The following FRMPD1 variants were observed in gnomAD, a reference collection of about 807,000 sequenced individuals.
The protein encoded by FRMPD1 is FERM and PDZ domain-containing protein 1.
In FRMPD1, 76 loss-of-function variants were observed where a neutral mutation model predicts 117.8. That is an observed-to-expected ratio of 0.65 (90% CI 0.54 to 0.78). The LOEUF (loss-of-function observed/expected upper bound fraction) is 0.78. FRMPD1 is among the 30% of genes least tolerant of loss of function. FRMPD1 has a pLI of 0.00. For synonymous variants in FRMPD1, 783 were observed against 770.4 expected, an observed-to-expected ratio of 1.02 and a Z score of -0.27; for missense variants, 1,786 against 1,964.5, an observed-to-expected ratio of 0.91 and a Z score of 1.72.
the FRMPD1 span, among the ~76,000 whole-genome samples, chr9:37,612,991 A>C: frequency 6.6e-6 from 1 of 152,204 alleles, no homozygotes; most frequent in African/African-American, 2.4e-5. Context: ...GAAGAACTTT[A>C]ATGGCTAGAG....
chr9:37,733,670 T>C (rs1823993582), intron 11 of FRMPD1, 60 bp from the exon 12 acceptor site: 1 of 1,597,286 alleles, frequency 6.3e-7, no homozygotes, highest in Admixed American at 1.7e-5. Flanking sequence ...TTTTCAACAC[T>C]GCCTGGATTT....
intron 9 of FRMPD1, 82 bp from the exon 10 acceptor site, chr9:37,732,222 C>T: frequency 1.4e-6 from 2 of 1,460,528 alleles, no homozygotes; most frequent in Non-Finnish European, 1.9e-6. Context: ...AGCTCCTGGT[C>T]CTGCTGCCTT....
chr9:37,740,581 T>G lies in FRMPD1; in HGVS notation c.2053T>G (p.Trp685Gly). The stretch of plus-strand genomic sequence containing the variant: ...GAGTGCTGCTTTGGAGACATTTGGC[T>G]GGGCACCAGAACTGAGCACAGTCAG... ...SESAALETFG[W>G]APELSTVRLD... The change falls in exon 15 of 16, where the codon TGG becomes GGG. Residue 685 changes from tryptophan to glycine, a missense_variant. Trp to Gly is a radical substitution (Grantham distance 184). Transcript: ENST00000377765. The surrounding 1 kb of genome is among the most constrained non-coding windows in gnomAD (Gnocchi z 4.2). The G allele has an allele frequency of 6.2e-7, 1 of 1,614,196 alleles. No homozygotes were observed.
chr9:37,698,373 T>C (rs1458020678), intron 2 of FRMPD1, among the ~76,000 whole-genome samples: 1 of 152,094 alleles, frequency 6.6e-6, no homozygotes, highest in Non-Finnish European at 1.5e-5. Context: ...GATCTTTGCC[T>C]TCTTGATTCA....
chr9:37,717,805 C>G (rs1823216459), intron 5 of FRMPD1, among the ~76,000 whole-genome samples: 1 of 152,244 alleles, frequency 6.6e-6, no homozygotes, highest in South Asian at 2.1e-4. Flanking sequence ...ATTCTCTGTT[C>G]CGTGGATGAT....
chr9:37,720,507 T>C (rs1478374355), intron 6 of FRMPD1, among the ~76,000 whole-genome samples: 2 of 151,804 alleles, frequency 1.3e-5, no homozygotes, highest in African/African-American at 2.4e-5. Context: ...TATTAAAAAA[T>C]ACAAAAAATT....
chr9:37,622,134 A>T, the FRMPD1 span, among the ~76,000 whole-genome samples: 2 of 152,216 alleles, frequency 1.3e-5, no homozygotes, highest in Non-Finnish European at 2.9e-5. Context: ...GGCAAATGCC[A>T]TGGGAGATTT....
At chr9:37,680,911 TGAAAA>T (rs1291772038) in intron 1 of FRMPD1, among the ~76,000 whole-genome samples, 10 of 151,390 alleles carry the variant, frequency 6.6e-5, no homozygotes, top group Non-Finnish European at 1.5e-4. Context: ...AAATAAGAAA[TGAAAA>T]GAAACAATTT....
intron 7 of FRMPD1, among the ~76,000 whole-genome samples, chr9:37,725,715 T>A (rs72724139): frequency 0.14 from 20,970 of 152,176 alleles, 1,576 homozygotes; most frequent in Middle Eastern, 0.19. Context: ...GTATACGATC[T>A]CATTTAATGC....
the FRMPD1 span, among the ~76,000 whole-genome samples, chr9:37,615,107 T>G: frequency 6.6e-6 from 1 of 152,118 alleles, no homozygotes; most frequent in Non-Finnish European, 1.5e-5. Context: ...AGTCTTTTCT[T>G]TCTTTCTTTT....
chr9:37,675,172 C>T (rs1386612031), intron 1 of FRMPD1, among the ~76,000 whole-genome samples: 1 of 152,134 alleles, frequency 6.6e-6, no homozygotes, highest in Non-Finnish European at 1.5e-5. Context: ...CCTGTAATCT[C>T]AGCACTTTGG....
intron 1 of FRMPD1, among the ~76,000 whole-genome samples, chr9:37,657,740 A>G (rs1008098381): frequency 6.6e-6 from 1 of 152,036 alleles, no homozygotes; most frequent in African/African-American, 2.4e-5. Context: ...ATGTGCTGAA[A>G]ACCTAGATTC....
chr9:37,694,330 T>C (rs1365214032), intron 2 of FRMPD1, among the ~76,000 whole-genome samples: 1 of 152,232 alleles, frequency 6.6e-6, no homozygotes, highest in African/African-American at 2.4e-5. Context: ...CTGAGAAGTC[T>C]CGCAGAGAAA....
chr9:37,609,097 C>T, the FRMPD1 span, among the ~76,000 whole-genome samples: 1 of 151,976 alleles, frequency 6.6e-6, no homozygotes, highest in Non-Finnish European at 1.5e-5. Context: ...TCGAGACCAG[C>T]CTGACCAACA....
the FRMPD1 span, among the ~76,000 whole-genome samples, chr9:37,626,642 A>AAAAAAAAAAAAAAAAAAAAAAG: frequency 6.8e-6 from 1 of 146,312 alleles, no homozygotes; most frequent in African/African-American, 2.5e-5. Context: ...AAAAAAAAAA[A>AAAAAAAAAAAAAAAAAAAAAAG]GCTGGAGGTG....
intron 1 of FRMPD1, among the ~76,000 whole-genome samples, chr9:37,673,890 C>G (rs1821438227): frequency 6.6e-6 from 1 of 152,256 alleles, no homozygotes; most frequent in African/African-American, 2.4e-5. Context: ...CACCCTGTGC[C>G]TGGCCTATGA....
Position 37,746,636 on chromosome 9 carries a change from T to C in FRMPD1, c.4604T>C (p.Ile1535Thr), listed in dbSNP as rs1458801565. The change falls in exon 16 of 16, where the codon ATA (isoleucine) becomes ACA (threonine). Residue 1535 changes from isoleucine to threonine, a missense_variant. Transcript: ENST00000377765. ...GTGGTGTACACCTACCATCAGTTTA[T>C]AGAGGCTGCTAAATCGACCTGCGAG... ...RDVVYTYHQF[I>T]EAAKSTCERG... 1.9e-6 allele frequency: 3 copies of C among 1,614,038 alleles called. No individual in the cohort carries two copies. Among genetic ancestry groups the C allele is most frequent in the Admixed American group, 1.7e-5 (1 of 60,030 alleles).
chr9:37,629,426 T>C, the FRMPD1 span, among the ~76,000 whole-genome samples: 1 of 152,174 alleles, frequency 6.6e-6, no homozygotes, highest in African/African-American at 2.4e-5. Context: ...TGCATGGTCA[T>C]GGAGTGGAGT....
At chr9:37,671,099 G>A (rs997990860) in intron 1 of FRMPD1, among the ~76,000 whole-genome samples, 2 of 152,088 alleles carry the variant, frequency 1.3e-5, no homozygotes, top group South Asian at 4.1e-4. Flanking sequence ...GTAATAACCT[G>A]GTAATGCTAG....
Sources: allele counts gnomAD v4.1 joint callset (sites outside exome capture counted in the v4.1 genomes callset), GRCh38; gene constraint gnomAD v4.1.1; non-coding constraint Gnocchi (gnomAD v3.1); transcripts MANE v1.5; gene names NCBI Gene and HGNC (gene_info 2026-07-23, HGNC 2026-07-21).